MSI2: variants seen among roughly 807,000 people sequenced by gnomAD.
MSI2 encodes RNA-binding protein Musashi homolog 2.
Under a neutral mutation model 45.6 loss-of-function variants are expected in MSI2, and 17 were observed. The observed-to-expected ratio is 0.37, with a 90% CI of 0.26 to 0.56. MSI2 has a LOEUF of 0.56. MSI2 is among the 20% of genes least tolerant of loss of function. The pLI, the probability that MSI2 is intolerant of heterozygous loss-of-function variation, is 0.77. For synonymous variants in MSI2, 156 were observed against 158.2 expected (o/e 0.99, Z 0.11); for missense variants, 293 against 444.2 (o/e 0.66, Z 3.06).
intron 7 of MSI2, among the ~76,000 whole-genome samples, chr17:57,586,757 G>T (rs35130590): frequency 0.03 from 4,591 of 151,912 alleles, 157 homozygotes; most frequent in East Asian, 0.17. Context: ...TCATACCTGT[G>T]ATCCCACCCC....
rs145462986 is a variant in MSI2 at position 57,328,407 on chromosome 17, C to A, written c.312+66215C>A. On this transcript the variant is annotated intron_variant, in intron 5 of 13. Transcript: ENST00000284073. ...TCCATCAATCCATCCATCTTGTCCC[C>A]CATCTGGTGAATTCTTTCTTTCCTT... is the stretch of plus-strand genomic sequence containing the variant. 2.6e-5 allele frequency among the ~76,000 whole-genome samples: 4 copies of A among 152,322 alleles called. No homozygotes were observed. The East Asian group carries it at 5.8e-4, about 22-fold the overall frequency.
rs1218521805 is a variant in MSI2, at chr17:57,682,669, C to T, written c.*3152C>T. ...AAGATTTTTGTAAATTCTTTTAACA[C>T]TGATGTTTCAGCCTCGTCTTTGTTT... On this transcript the variant is annotated 3_prime_UTR_variant, in exon 14 of 14. Transcript: ENST00000284073. 4.6e-6 allele frequency: 1 copy of T among 215,368 alleles called. No individual in the cohort carries two copies. Among genetic ancestry groups the T allele is most frequent in the Non-Finnish European group, 9.3e-6 (1 of 106,952 alleles). The allele number at this position is 215,368 out of a possible 1,614,324, so 13.3% of individuals were successfully genotyped here.
intron 7 of MSI2, among the ~76,000 whole-genome samples, chr17:57,590,537 TA>T (rs1484981740): frequency 6.6e-6 from 1 of 152,244 alleles, no homozygotes; most frequent in African/African-American, 2.4e-5. Context: ...AAATAGTGCT[TA>T]CTTGTTAGTT....
intron 5 of MSI2, among the ~76,000 whole-genome samples, chr17:57,348,389 C>G (rs557045371): frequency 6.6e-6 from 1 of 152,254 alleles, no homozygotes; most frequent in South Asian, 2.1e-4. Flanking sequence ...GGATATGTGT[C>G]TTCTCCAGAT....
intron 8 of MSI2, among the ~76,000 whole-genome samples, chr17:57,604,492 G>C (rs1906302956): frequency 6.6e-6 from 1 of 152,132 alleles, no homozygotes; most frequent in Admixed American, 6.5e-5. Flanking sequence ...TGCCTCTGGG[G>C]ATGGTCCTAG....
intron 5 of MSI2, among the ~76,000 whole-genome samples, chr17:57,311,376 T>A (rs1912387084): frequency 1.3e-5 from 2 of 152,190 alleles, no homozygotes. Context: ...TGCAAAGGAT[T>A]AAAGATAAAA....
intron 5 of MSI2, among the ~76,000 whole-genome samples, chr17:57,375,288 T>C (rs1433070104): frequency 6.6e-6 from 1 of 152,194 alleles, no homozygotes; most frequent in Non-Finnish European, 1.5e-5. Flanking sequence ...TTCCCAGGCC[T>C]CTAGCTAGTC....
At chr17:57,282,652 G>C in intron 5 of MSI2, among the ~76,000 whole-genome samples, 1 of 152,174 alleles carries the variant, frequency 6.6e-6, no homozygotes, top group Middle Eastern at 3.4e-3. Flanking sequence ...GGGTGGATAG[G>C]GGAGAAATAT....
chr17:57,466,051 T>G (rs1291828822), intron 6 of MSI2, among the ~76,000 whole-genome samples: 1 of 151,842 alleles, frequency 6.6e-6, no homozygotes. Context: ...CCCTGAGGAG[T>G]GTGGGCAGCC....
chr17:57,290,401 T>C (rs2143456852), intron 5 of MSI2, among the ~76,000 whole-genome samples: 1 of 152,320 alleles, frequency 6.6e-6, no homozygotes, highest in East Asian at 1.9e-4. Context: ...CCTCCAACTG[T>C]TGGACTCAAG....
chr17:57,488,773 G>A (rs1003757009), intron 6 of MSI2, among the ~76,000 whole-genome samples: 7 of 151,770 alleles, frequency 4.6e-5, no homozygotes, highest in African/African-American at 9.7e-5. Context: ...GCAGCGAGCC[G>A]AGATCGCGCC....
intron 6 of MSI2, among the ~76,000 whole-genome samples, chr17:57,424,290 G>GA (rs2084450101): frequency 6.6e-6 from 1 of 152,236 alleles, no homozygotes; most frequent in African/African-American, 2.4e-5. Context: ...GATGAGGAGG[G>GA]AAAAATCAGA....
chr17:57,552,599 G>C lies in MSI2; in HGVS notation c.454+22875G>C, dbSNP rs2144194782. Among the ~76,000 whole-genome samples, 1 of 152,292 alleles carries C rather than the reference G, an allele frequency of 6.6e-6. No individual in the cohort carries two copies. Among genetic ancestry groups the C allele is most frequent in the East Asian group, 1.9e-4 (1 of 5,174 alleles). Reference sequence around the variant, plus strand: ...CCCAGCAACGGCTTCCTTGGTTAGAGACAGTCTGGCAAGTTTCCTCTGGTT... The same window carrying C: ...CCCAGCAACGGCTTCCTTGGTTAGACACAGTCTGGCAAGTTTCCTCTGGTT... On this transcript the variant is annotated intron_variant, in intron 7 of 13. Transcript: ENST00000284073. The surrounding 1 kb of genome is among the most constrained non-coding windows in gnomAD (Gnocchi z 4.3).
chr17:57,616,157 C>T (rs1177979484), intron 9 of MSI2, 73 bp downstream of exon 9: 2 of 1,159,440 alleles, frequency 1.7e-6, no homozygotes, highest in Non-Finnish European at 2.5e-6. Context: ...AACTGGGTCA[C>T]CTACCAGTGG....
intron 5 of MSI2, among the ~76,000 whole-genome samples, chr17:57,353,976 A>C (rs1255184315): frequency 6.6e-6 from 1 of 152,216 alleles, no homozygotes; most frequent in Non-Finnish European, 1.5e-5. Flanking sequence ...ACAAGAGAGA[A>C]AACATTTACG....
intron 6 of MSI2, among the ~76,000 whole-genome samples, chr17:57,428,182 A>T (rs952385284): frequency 6.6e-6 from 1 of 152,304 alleles, no homozygotes; most frequent in South Asian, 2.1e-4. Context: ...TCATGGACCC[A>T]TCTTTGGAGA....
chr17:57,565,222 A>G (rs2087699104), intron 7 of MSI2, among the ~76,000 whole-genome samples: 1 of 152,198 alleles, frequency 6.6e-6, no homozygotes, highest in Non-Finnish European at 1.5e-5. Flanking sequence ...GTGCCTAGAT[A>G]GCACTGATGC....
chr17:57,375,389 G>A (rs1371728914), intron 5 of MSI2, among the ~76,000 whole-genome samples: 1 of 152,194 alleles, frequency 6.6e-6, no homozygotes, highest in Non-Finnish European at 1.5e-5. Context: ...AAACTCAAGA[G>A]GCAAAGATGC....
At chr17:57,506,476 C>G (rs761416943) in intron 6 of MSI2, among the ~76,000 whole-genome samples, 50 of 152,300 alleles carry the variant, frequency 3.3e-4, no homozygotes, top group Non-Finnish European at 6.8e-4. Context: ...GGATAAACAT[C>G]GCTTCTTTCT....
Sources: gnomAD v4.1 joint callset for allele counts (sites outside exome capture counted in the v4.1 genomes callset) on GRCh38, gnomAD v4.1.1 for gene constraint, Gnocchi (gnomAD v3.1) non-coding constraint, MANE v1.5 for transcripts, NCBI Gene and HGNC (gene_info 2026-07-23, HGNC 2026-07-21) for gene names.